The following SLC17A1 variants were observed in gnomAD, a reference collection of about 807,000 sequenced individuals.
The protein encoded by SLC17A1 is sodium-dependent phosphate transport protein 1.
Under a neutral mutation model 53.5 loss-of-function variants are expected in SLC17A1, and 51 were observed. That is an observed-to-expected ratio of 0.95 (90% CI 0.76 to 1.20). The LOEUF (loss-of-function observed/expected upper bound fraction) is 1.20. SLC17A1 is among the 50% of genes most tolerant of loss of function. The probability of loss-of-function intolerance (pLI) is 0.00; values close to 1 mark genes in which losing one functional copy is unlikely to be tolerated. For synonymous variants in SLC17A1, 179 were observed against 198.8 expected (o/e 0.90, Z 0.84); for missense variants, 538 against 568.2 (o/e 0.95, Z 0.54).
chr6:25,734,482 C>T, the SLC17A1 span, among the ~76,000 whole-genome samples: 12 of 152,014 alleles, frequency 7.9e-5, no homozygotes, highest in Non-Finnish European at 1.0e-4. Context: ...CTACAGCTAA[C>T]GAAATGGTTT....
Position 25,825,978 on chromosome 6 carries a change from T to C in SLC17A1, c.207+483A>G, listed in dbSNP as rs1222352800. Reference sequence around the variant, plus strand: ...AATTTCCTTGATTTCTAGTATTGCTTTTTCATTCTTTTTATAGTTTCCATC... The same window carrying C: ...AATTTCCTTGATTTCTAGTATTGCTCTTTCATTCTTTTTATAGTTTCCATC... On this transcript the variant is annotated intron_variant, in intron 3 of 12. Coordinates refer to ENST00000244527, the MANE Select transcript of SLC17A1 (RefSeq NM_005074.5). 2.0e-5 allele frequency among the ~76,000 whole-genome samples: 3 copies of C among 152,042 alleles called. No homozygotes were observed. The East Asian group carries it at 5.8e-4, about 29-fold the overall frequency.
intron 6 of SLC17A1, among the ~76,000 whole-genome samples, chr6:25,816,544 A>T (rs919480551): frequency 2.6e-5 from 4 of 152,242 alleles, no homozygotes; most frequent in African/African-American, 9.6e-5. Context: ...GGCTATCCAC[A>T]GTGTGGAATC....
chr6:25,747,888 G>A, the SLC17A1 span, among the ~76,000 whole-genome samples: 1 of 152,008 alleles, frequency 6.6e-6, no homozygotes, highest in African/African-American at 2.4e-5. Context: ...TGTTATAGCA[G>A]CCCAAATTGA....
the SLC17A1 span, chr6:25,726,386 C>A: frequency 6.2e-7 from 1 of 1,614,148 alleles, no homozygotes; most frequent in South Asian, 1.1e-5. Flanking sequence ...TACACTGGTG[C>A]GCCTGCCCCT....
chr6:25,737,309 G>T, the SLC17A1 span, among the ~76,000 whole-genome samples: 1 of 151,996 alleles, frequency 6.6e-6, no homozygotes, highest in Non-Finnish European at 1.5e-5. Flanking sequence ...CATGACTCTT[G>T]ACTCAACTGG....
chr6:25,778,064 G>C (rs2151465162), downstream of SLC17A1: 2 of 1,504,396 alleles, frequency 1.3e-6, no homozygotes. Flanking sequence ...ACCTATAGAG[G>C]CATGGTTTTT....
chr6:25,774,731 A>G, the SLC17A1 span, among the ~76,000 whole-genome samples: 2 of 152,208 alleles, frequency 1.3e-5, no homozygotes, highest in African/African-American at 4.8e-5. Context: ...GAGGAAGAGG[A>G]AAATGGGAAA....
At chr6:25,795,071 A>G (rs943676291) in intron 12 of SLC17A1, among the ~76,000 whole-genome samples, 2 of 152,176 alleles carry the variant, frequency 1.3e-5, no homozygotes, top group African/African-American at 4.8e-5. Flanking sequence ...GCACAGCAAC[A>G]CAAACAGCAA....
the SLC17A1 span, among the ~76,000 whole-genome samples, chr6:25,750,854 TC>T: frequency 6.6e-6 from 1 of 152,146 alleles, no homozygotes; most frequent in Non-Finnish European, 1.5e-5. Context: ...TTCTGCCCAG[TC>T]TGCAAGGACT....
chr6:25,781,627 C>T (rs1228932988), downstream of SLC17A1, among the ~76,000 whole-genome samples: 1 of 152,130 alleles, frequency 6.6e-6, no homozygotes, highest in Non-Finnish European at 1.5e-5. Flanking sequence ...GCAACTTCTG[C>T]TCATAGTGGA....
the SLC17A1 span, among the ~76,000 whole-genome samples, chr6:25,757,737 C>G: frequency 2.6e-5 from 4 of 152,106 alleles, no homozygotes; most frequent in East Asian, 7.7e-4. Context: ...AGCTGGAGCT[C>G]TTGTGACCTG....
At chr6:25,759,426 T>G in the SLC17A1 span, among the ~76,000 whole-genome samples, 1 of 152,224 alleles carries the variant, frequency 6.6e-6, no homozygotes, top group Non-Finnish European at 1.5e-5. Flanking sequence ...ATTATGTTGC[T>G]GTCTATCTCA....
chr6:25,781,552 T>C (rs567532916), downstream of SLC17A1, among the ~76,000 whole-genome samples: 2 of 152,196 alleles, frequency 1.3e-5, no homozygotes, highest in Admixed American at 1.3e-4. Context: ...AGAGGTTTAT[T>C]TGGATTGTGA....
chr6:25,746,008 TAAAAGAC>T, the SLC17A1 span, among the ~76,000 whole-genome samples: 1 of 152,318 alleles, frequency 6.6e-6, no homozygotes, highest in African/African-American at 2.4e-5. Flanking sequence ...ATATTTGACT[TAAAAGAC>T]AGAGAGGATC....
intron 10 of SLC17A1, among the ~76,000 whole-genome samples, chr6:25,804,167 A>G (rs1005253668): frequency 6.6e-6 from 1 of 152,158 alleles, no homozygotes; most frequent in Non-Finnish European, 1.5e-5. Context: ...GCTATGAACA[A>G]CAATGTAGCT....
chr6:25,811,359 T>A, intron 10 of SLC17A1, 39 bp downstream of exon 10: 1 of 1,557,820 alleles, frequency 6.4e-7, no homozygotes, highest in Non-Finnish European at 8.7e-7. Context: ...CAATATTTAT[T>A]TGTTAAAGGT....
In SLC17A1 at chr6:25,782,917, A is replaced by C. The variant is rs755142698; in HGVS notation, c.*304T>G. On this transcript the variant is annotated 3_prime_UTR_variant, in exon 13 of 13. Coordinates refer to ENST00000244527, the MANE Select transcript of SLC17A1 (RefSeq NM_005074.5). ...AAGTCTTTCATGAAGCCTTAGAATA[A>C]AATTTTATCTTGTGTGTATTTATTG... 7.2e-5 allele frequency: 11 copies of C among 152,216 alleles called. No individual in the cohort carries two copies. The highest frequency in any genetic ancestry group is 1.6e-4 in the Non-Finnish European group (11 of 68,038). The allele number at this position is 152,216 out of a possible 1,614,324, so 9.4% of individuals were successfully genotyped here.
the SLC17A1 span, among the ~76,000 whole-genome samples, chr6:25,755,847 A>G: frequency 1.3e-5 from 2 of 152,114 alleles, no homozygotes; most frequent in African/African-American, 2.4e-5. Flanking sequence ...CATTTCGCCA[A>G]CTTCTTTGAG....
At chr6:25,726,234 C>T in the SLC17A1 span, 1 of 1,613,514 alleles carries the variant, frequency 6.2e-7, no homozygotes, top group Admixed American at 1.7e-5. Flanking sequence ...TCACGCCGCC[C>T]AAAAGCTTAT....
Sources: gnomAD v4.1 joint callset for allele counts (sites outside exome capture counted in the v4.1 genomes callset) on GRCh38, gnomAD v4.1.1 for gene constraint, MANE v1.5 for transcripts, NCBI Gene and HGNC (gene_info 2026-07-23, HGNC 2026-07-21) for gene names.